Variants in ZNF385D observed in about 807,000 individuals in gnomAD.
The protein encoded by ZNF385D is zinc finger protein 385D.
In ZNF385D, 15 loss-of-function variants were observed where a neutral mutation model predicts 35.8. That is an observed-to-expected ratio of 0.42 (90% CI 0.28 to 0.64). The LOEUF (loss-of-function observed/expected upper bound fraction) is 0.64, where lower values mean the gene tolerates loss of function less well. Ranked by LOEUF, ZNF385D falls within the 30% of genes least tolerant of loss-of-function variation. The pLI is 0.23. For synonymous variants in ZNF385D, 212 were observed against 186.8 expected, an observed-to-expected ratio of 1.13 and a Z score of -1.10; for missense variants, 474 against 494.6, an observed-to-expected ratio of 0.96 and a Z score of 0.39.
intron 3 of ZNF385D, among the ~76,000 whole-genome samples, chr3:22,077,980 A>G (rs1179653602): frequency 6.6e-6 from 1 of 151,996 alleles, no homozygotes; most frequent in Non-Finnish European, 1.5e-5. Context: ...CCTAGACAAA[A>G]GACAAAAATT....
At chr3:22,084,725 C>A (rs1263397378) in intron 3 of ZNF385D, among the ~76,000 whole-genome samples, 1 of 152,152 alleles carries the variant, frequency 6.6e-6, no homozygotes, top group Non-Finnish European at 1.5e-5. Flanking sequence ...ACCAAGCAGA[C>A]CTAATAGACA....
At chr3:21,762,220 G>C (rs1035233764) in intron 3 of ZNF385D, among the ~76,000 whole-genome samples, 5 of 151,900 alleles carry the variant, frequency 3.3e-5, no homozygotes, top group African/African-American at 1.2e-4. Flanking sequence ...GATAATATTC[G>C]AAGTTCTCTC....
At chr3:22,202,277 T>C (rs1380469802) in intron 2 of ZNF385D, among the ~76,000 whole-genome samples, 2 of 152,112 alleles carry the variant, frequency 1.3e-5, no homozygotes, top group Non-Finnish European at 2.9e-5. Context: ...TTACTGACAT[T>C]GTAAAAGGTC....
intron 1 of ZNF385D, among the ~76,000 whole-genome samples, chr3:21,684,939 CGT>C (rs2067056458): frequency 6.6e-6 from 1 of 152,074 alleles, no homozygotes; most frequent in Admixed American, 6.6e-5. Flanking sequence ...TCAGCAAACT[CGT>C]ATGGCAATTT....
At chr3:22,294,156 C>T (rs939491753) in intron 2 of ZNF385D, among the ~76,000 whole-genome samples, 1 of 151,864 alleles carries the variant, frequency 6.6e-6, no homozygotes, top group African/African-American at 2.4e-5. Flanking sequence ...ACCTTTGTTA[C>T]AACATAGTGC....
intron 3 of ZNF385D, among the ~76,000 whole-genome samples, chr3:21,832,092 C>A (rs895470328): frequency 6.6e-6 from 1 of 152,106 alleles, no homozygotes; most frequent in African/African-American, 2.4e-5. Context: ...AATTTGTTCA[C>A]GTATTTCTCT....
At chr3:22,003,658 G>C (rs891989746) in intron 3 of ZNF385D, among the ~76,000 whole-genome samples, 1 of 152,086 alleles carries the variant, frequency 6.6e-6, no homozygotes, top group African/African-American at 2.4e-5. Flanking sequence ...CTTGAGGCCA[G>C]GTGTTCGAGA....
At chr3:21,940,288 A>G (rs886464540) in intron 3 of ZNF385D, among the ~76,000 whole-genome samples, 2 of 152,148 alleles carry the variant, frequency 1.3e-5, no homozygotes, top group African/African-American at 4.8e-5. Flanking sequence ...GGGCAAGCAG[A>G]GGTGGATTTG....
intron 1 of ZNF385D, among the ~76,000 whole-genome samples, chr3:21,746,601 G>A (rs4443198): frequency 0.025 from 3,775 of 152,206 alleles, 92 homozygotes; most frequent in East Asian, 0.067. Flanking sequence ...AGGACTTCAC[G>A]CTTTAAAAGG....
At chr3:21,643,737 G>A (rs2065672385) in intron 2 of ZNF385D, among the ~76,000 whole-genome samples, 1 of 152,044 alleles carries the variant, frequency 6.6e-6, no homozygotes, top group South Asian at 2.1e-4. Flanking sequence ...GTGTAGAAAT[G>A]GCTGAAAGTG....
chr3:21,608,394 G>T (rs375102246), intron 2 of ZNF385D, among the ~76,000 whole-genome samples: 15 of 152,176 alleles, frequency 9.9e-5, no homozygotes, highest in Admixed American at 4.6e-4. Context: ...TAAGCATTAA[G>T]GTAGTATCAG....
At chr3:21,480,296 T>C (rs1423844272) in intron 4 of ZNF385D, among the ~76,000 whole-genome samples, 1 of 151,996 alleles carries the variant, frequency 6.6e-6, no homozygotes, top group Non-Finnish European at 1.5e-5. Flanking sequence ...AGATACAGGG[T>C]TTCACCATGT....
intron 3 of ZNF385D, among the ~76,000 whole-genome samples, chr3:21,764,102 T>C (rs745902673): frequency 6.6e-6 from 1 of 152,012 alleles, no homozygotes. Context: ...TTTTGAGAAT[T>C]TGACGTCTAA....
At chr3:21,658,625 A>C (rs1447963761) in intron 2 of ZNF385D, among the ~76,000 whole-genome samples, 1 of 151,944 alleles carries the variant, frequency 6.6e-6, no homozygotes, top group African/African-American at 2.4e-5. Flanking sequence ...ATTCATTCAA[A>C]AAAATGTGCG....
chr3:21,599,857 G>C (rs1457913393), intron 2 of ZNF385D, among the ~76,000 whole-genome samples: 1 of 152,174 alleles, frequency 6.6e-6, no homozygotes, highest in Non-Finnish European at 1.5e-5. Context: ...TTGAATATGA[G>C]CTGGGTAAAA....
chr3:22,100,664 T>A (rs911134453), intron 3 of ZNF385D, among the ~76,000 whole-genome samples: 6 of 117,088 alleles, frequency 5.1e-5, no homozygotes, highest in South Asian at 5.6e-4. Context: ...AAGGGGAACA[T>A]CACACTCTGG....
rs1247378470 is a variant in ZNF385D at position 22,100,865 on chromosome 3, AAAAAT to A, written c.325+67947_325+67951del. 7.2e-5 allele frequency among the ~76,000 whole-genome samples: 11 copies of A among 151,966 alleles called. No individual in the cohort carries two copies. The South Asian group carries it at 1.0e-3, about 14-fold the overall frequency. On this transcript the variant is annotated intron_variant, in intron 3 of 5. Transcript: ENST00000494108. ...AAAATAAAAAAAAGAAAATCACATA[AAAAAT>A]AAAATAAAATAAATAAAAATAAGAC...
At chr3:22,307,905 T>C (rs187142951) in intron 2 of ZNF385D, among the ~76,000 whole-genome samples, 3 of 152,134 alleles carry the variant, frequency 2.0e-5, no homozygotes, top group African/African-American at 7.2e-5. Context: ...TAAGGGGAAA[T>C]TTATAAAAGA....
chr3:22,204,069 C>A (rs1696983571), intron 2 of ZNF385D, among the ~76,000 whole-genome samples: 3 of 152,052 alleles, frequency 2.0e-5, no homozygotes, highest in Admixed American at 6.6e-5. Context: ...TGATCCAGCA[C>A]AATCCCAATG....
Sources: allele counts gnomAD v4.1 joint callset (sites outside exome capture counted in the v4.1 genomes callset), GRCh38; gene constraint gnomAD v4.1.1; transcripts MANE v1.5; gene names NCBI Gene and HGNC (gene_info 2026-07-23, HGNC 2026-07-21).